MAGI2: variants seen among roughly 807,000 people sequenced by gnomAD.
The protein encoded by MAGI2 is membrane-associated guanylate kinase, WW and PDZ domain-containing protein 2.
MAGI2 carries 35 observed loss-of-function variants against 133.3 expected under a neutral mutation model. The ratio of observed to expected loss-of-function variants is 0.26; its 90% CI spans 0.20 to 0.35. The LOEUF (loss-of-function observed/expected upper bound fraction) is 0.35, where lower values mean the gene tolerates loss of function less well. Ranked by LOEUF, MAGI2 falls within the 10% of genes least tolerant of loss-of-function variation. MAGI2 has a pLI of 1.00. For missense variants in MAGI2, 1,636 were observed against 1,863.4 expected (o/e 0.88, Z 2.25); for synonymous variants, 729 against 710.6 (o/e 1.03, Z -0.41).
At chr7:78,731,183 CA>C (rs1246428503) in intron 2 of MAGI2, among the ~76,000 whole-genome samples, 1 of 151,996 alleles carries the variant, frequency 6.6e-6, no homozygotes, top group Non-Finnish European at 1.5e-5. Flanking sequence ...TGAGCACTTA[CA>C]AATAAGAGTG....
chr7:78,968,979 A>G (rs1803554973), intron 2 of MAGI2, among the ~76,000 whole-genome samples: 1 of 152,126 alleles, frequency 6.6e-6, no homozygotes, highest in Non-Finnish European at 1.5e-5. Context: ...CTTTTCTAAT[A>G]TAAAGCAGCC....
intron 6 of MAGI2, among the ~76,000 whole-genome samples, chr7:78,470,807 G>A (rs1791120349): frequency 6.6e-6 from 1 of 152,136 alleles, no homozygotes; most frequent in African/African-American, 2.4e-5. Flanking sequence ...CAATGGGTCT[G>A]TTATATGGAC....
At chr7:78,621,473 T>C (rs925053671) in intron 3 of MAGI2, among the ~76,000 whole-genome samples, 7 of 152,026 alleles carry the variant, frequency 4.6e-5, no homozygotes, top group Non-Finnish European at 1.0e-4. Context: ...ATCCGAGTCA[T>C]GGAAAAGAGT....
intron 1 of MAGI2, among the ~76,000 whole-genome samples, chr7:79,186,705 GTA>G (rs146881119): frequency 2.2e-4 from 28 of 127,578 alleles, no homozygotes; most frequent in East Asian, 6.5e-4. Context: ...TTATACAAAA[GTA>G]TATATATATA....
At chr7:79,156,248 C>G (rs973667397) in intron 1 of MAGI2, among the ~76,000 whole-genome samples, 1 of 152,082 alleles carries the variant, frequency 6.6e-6, no homozygotes, top group Admixed American at 6.6e-5. Flanking sequence ...ATATTTTACC[C>G]CAAAACATGT....
At chr7:78,163,200 C>T (rs989232193) in intron 15 of MAGI2, among the ~76,000 whole-genome samples, 33 of 152,068 alleles carry the variant, frequency 2.2e-4, no homozygotes, top group African/African-American at 7.0e-4. Context: ...TGCAGTGGCG[C>T]GGTCTTGGCT....
chr7:78,110,632 G>A lies in MAGI2; in HGVS notation c.3567+15062C>T, dbSNP rs3779304. On this transcript the variant is annotated intron_variant, in intron 20 of 21. Coordinates refer to ENST00000354212, the MANE Select transcript of MAGI2 (RefSeq NM_012301.4). ...TGGAGAAGTACTTAATTCTCCCTTT[G>A]TATGGGCTCTACTTGTATTTATTAA... Among the ~76,000 whole-genome samples, 11 of 152,280 alleles carry A rather than the reference G, an allele frequency of 7.2e-5. No homozygotes were observed. In the East Asian group the frequency reaches 1.7e-3, roughly 24 times the overall value.
At chr7:78,879,954 C>T (rs1442550416) in intron 2 of MAGI2, among the ~76,000 whole-genome samples, 4 of 151,770 alleles carry the variant, frequency 2.6e-5, no homozygotes, top group Admixed American at 2.6e-4. Flanking sequence ...CAATAGGCTA[C>T]CAAGCAGAAG....
At chr7:78,902,978 A>AAATT (rs1797717765) in intron 2 of MAGI2, among the ~76,000 whole-genome samples, 2 of 152,174 alleles carry the variant, frequency 1.3e-5, no homozygotes, top group Non-Finnish European at 2.9e-5. Context: ...AGATTCCCCC[A>AAATT]AATTACCAGG....
At chr7:78,072,783 T>G (rs537276451) in intron 21 of MAGI2, 1 of 396,894 alleles carries the variant, frequency 2.5e-6, no homozygotes, top group African/African-American at 2.1e-5. Flanking sequence ...TGTGCTTAAG[T>G]GATCCTCCTG....
intron 1 of MAGI2, among the ~76,000 whole-genome samples, chr7:79,244,882 G>C (rs2129555258): frequency 6.6e-6 from 1 of 152,310 alleles, no homozygotes; most frequent in East Asian, 1.9e-4. Context: ...GGAGAGTAAA[G>C]AGGACTTTGT....
At chr7:78,725,415 A>G (rs1820672831) in intron 2 of MAGI2, among the ~76,000 whole-genome samples, 1 of 152,240 alleles carries the variant, frequency 6.6e-6, no homozygotes, top group South Asian at 2.1e-4. Flanking sequence ...TTAAAAATAA[A>G]TCCCCATCAC....
At chr7:78,614,965 G>A (rs1377791266) in intron 3 of MAGI2, 1 of 152,094 alleles carries the variant, frequency 6.6e-6, no homozygotes, top group Non-Finnish European at 1.5e-5. Flanking sequence ...AGCTATGCGG[G>A]GTTGCAATAT....
At chr7:78,913,608 TC>T (rs1430376250) in intron 2 of MAGI2, among the ~76,000 whole-genome samples, 1 of 152,202 alleles carries the variant, frequency 6.6e-6, no homozygotes, top group African/African-American at 2.4e-5. Context: ...TCAGTTCCTT[TC>T]CTATCATTCT....
intron 1 of MAGI2, among the ~76,000 whole-genome samples, chr7:79,065,542 T>C (rs1191708210): frequency 6.6e-6 from 1 of 152,078 alleles, no homozygotes; most frequent in East Asian, 1.9e-4. Context: ...ACTATTCTCA[T>C]ATATAATACC....
At chr7:78,766,000 C>T (rs1824986315) in intron 2 of MAGI2, among the ~76,000 whole-genome samples, 1 of 152,160 alleles carries the variant, frequency 6.6e-6, no homozygotes, top group Middle Eastern at 3.2e-3. Flanking sequence ...AAGAAAGGCT[C>T]TTCATAAACA....
At chr7:78,086,640 T>A (rs1816670060) in intron 20 of MAGI2, among the ~76,000 whole-genome samples, 1 of 64,386 alleles carries the variant, frequency 1.6e-5, no homozygotes, top group African/African-American at 5.2e-5. Context: ...TTATTATTAT[T>A]ATTTTTTTTT....
chr7:79,208,076 T>C (rs779777925), intron 1 of MAGI2, among the ~76,000 whole-genome samples: 1 of 151,862 alleles, frequency 6.6e-6, no homozygotes, highest in South Asian at 2.1e-4. Context: ...CCCAAAACTA[T>C]GAAACTACTA....
chr7:78,127,237 T>A lies in MAGI2; in HGVS notation c.3383A>T (p.Asp1128Val), dbSNP rs1224947624. 1.9e-6 allele frequency: 3 copies of A among 1,605,344 alleles called. No homozygotes were observed. The Admixed American group carries it at 5.1e-5, about 27-fold the overall frequency. The change falls in exon 19 of 22, where the codon GAC (aspartate) becomes GTC (valine). Residue 1128 changes from aspartate (D) to valine (V), a missense_variant. This residue lies in a region of MAGI2 where 920 missense variants were observed against 1,093.5 expected (regional missense o/e 0.84). Transcript: ENST00000354212. ...GTCCGACAGAGGGTACTGCCTGGTG[T>A]CGGGGGAGTGCTGCCTGTAGTCCAG... is the stretch of plus-strand genomic sequence containing the variant. Reference protein sequence around the residue: ...PLLDYRQHSPDTRQYPLSDYR... With the variant: ...PLLDYRQHSPVTRQYPLSDYR...
Sources: gnomAD v4.1 joint callset for allele counts (sites outside exome capture counted in the v4.1 genomes callset) on GRCh38, gnomAD v4.1.1 for gene constraint, gnomAD v4.1.1 regional missense constraint, MANE v1.5 for transcripts, NCBI Gene and HGNC (gene_info 2026-07-23, HGNC 2026-07-21) for gene names.